The following DENND2A variants were observed in gnomAD, a reference collection of about 807,000 sequenced individuals.
DENND2A encodes DENN domain-containing protein 2A.
A neutral mutation model predicts 105.3 loss-of-function variants in DENND2A; 53 were observed. The observed-to-expected ratio is 0.50, with a 90% CI of 0.40 to 0.63. DENND2A has a LOEUF of 0.63. Among genes scored for constraint, DENND2A ranks in the 30% least tolerant of loss-of-function variants. The probability of loss-of-function intolerance (pLI) is 0.00; values close to 1 mark genes in which losing one functional copy is unlikely to be tolerated. For synonymous variants in DENND2A, 522 were observed against 508.4 expected, an observed-to-expected ratio of 1.03 and a Z score of -0.36; for missense variants, 1,138 against 1,279.6, an observed-to-expected ratio of 0.89 and a Z score of 1.69.
chr7:140,609,398 A>T (rs1367416308), intron 1 of DENND2A, among the ~76,000 whole-genome samples: 1 of 152,150 alleles, frequency 6.6e-6, no homozygotes, highest in Non-Finnish European at 1.5e-5. Flanking sequence ...TTATAATCCC[A>T]GCTACTCGGG....
chr7:140,582,032 T>C (rs1169109189), intron 5 of DENND2A, among the ~76,000 whole-genome samples: 2 of 151,884 alleles, frequency 1.3e-5, no homozygotes, highest in African/African-American at 4.8e-5. Context: ...TGGCATGATC[T>C]TGGCTTACTG....
intron 2 of DENND2A, among the ~76,000 whole-genome samples, chr7:140,605,032 G>C (rs1799640925): frequency 6.6e-6 from 1 of 152,210 alleles, no homozygotes; most frequent in Non-Finnish European, 1.5e-5. Flanking sequence ...TGGAAGCTCT[G>C]TCGGAAAACT....
chr7:140,529,168 AAATGGTCAGG>A (rs1308736877), intron 14 of DENND2A, among the ~76,000 whole-genome samples: 1 of 152,132 alleles, frequency 6.6e-6, no homozygotes, highest in Non-Finnish European at 1.5e-5. Context: ...TCTTCAAGAA[AAATGGTCAGG>A]CTGGGTGCGG....
chr7:140,557,600 C>T (rs1204987851), intron 11 of DENND2A, among the ~76,000 whole-genome samples: 3 of 114,206 alleles, frequency 2.6e-5, no homozygotes, highest in African/African-American at 9.6e-5. Context: ...AGTGCAGTGG[C>T]GCGATCTCGA....
At position 140,523,297 on chromosome 7, in the gene DENND2A, G is replaced by C; in HGVS notation, c.2665+10C>G. 1.9e-6 allele frequency: 3 copies of C among 1,613,688 alleles called. No individual in the cohort carries two copies. The highest frequency in any genetic ancestry group is 2.5e-6 in the Non-Finnish European group (3 of 1,179,598). On this transcript the variant is annotated intron_variant, in intron 17 of 19. Transcript: ENST00000496613. The surrounding 1 kb of genome is among the most constrained non-coding windows in gnomAD (Gnocchi z 4.5). ...GGGAGAGACCCACTGGGAGGTGGCTGAACACTTACCGTGCCTGCCGTCTAG... is the reference window on the plus strand; with the variant it reads ...GGGAGAGACCCACTGGGAGGTGGCTCAACACTTACCGTGCCTGCCGTCTAG...
intron 9 of DENND2A, among the ~76,000 whole-genome samples, chr7:140,562,819 T>C (rs1003815538): frequency 3.3e-5 from 5 of 152,220 alleles, no homozygotes; most frequent in African/African-American, 9.6e-5. Context: ...ATAGACTTAG[T>C]TGTCCTTTAG....
chr7:140,544,941 G>A, intron 13 of DENND2A, 175 bp from the exon 14 acceptor site: 1 of 901,978 alleles, frequency 1.1e-6, no homozygotes, highest in Non-Finnish European at 1.3e-6. Context: ...GATGCCAGAA[G>A]ACGGGGGGCG....
chr7:140,535,984 G>T (rs1312944189), intron 14 of DENND2A, among the ~76,000 whole-genome samples: 1 of 152,088 alleles, frequency 6.6e-6, no homozygotes. Flanking sequence ...AAGAACGAAG[G>T]GTGTCACAGG....
At chr7:140,541,428 T>TG (rs948701440) in intron 14 of DENND2A, among the ~76,000 whole-genome samples, 8 of 152,020 alleles carry the variant, frequency 5.3e-5, no homozygotes, top group African/African-American at 1.4e-4. Context: ...CCACCACTCC[T>TG]GGGGGGTGCT....
rs375317533 is a variant in DENND2A at position 140,538,212 on chromosome 7, G to A, written c.2327+6406C>T. On this transcript the variant is annotated intron_variant, in intron 14 of 19. Coordinates refer to ENST00000496613, the MANE Select transcript of DENND2A (RefSeq NM_015689.5). ...AGTGGGAGACTCACAGCGATGATGA[G>A]AGAATAAATTGTGTTTGTGGGGGAG... Among the ~76,000 whole-genome samples the A allele has an allele frequency of 7.9e-4, 121 of 152,320 alleles. 4 individuals are homozygous for A. The South Asian group carries it at 0.022, about 28-fold the overall frequency.
At chr7:140,563,417 C>T (rs767843656) in intron 9 of DENND2A, among the ~76,000 whole-genome samples, 2 of 152,124 alleles carry the variant, frequency 1.3e-5, no homozygotes, top group Non-Finnish European at 2.9e-5. Flanking sequence ...GGCTGGAAAA[C>T]AGCCCAGTCT....
At chr7:140,617,222 G>A (rs1800113588) in intron 1 of DENND2A, among the ~76,000 whole-genome samples, 1 of 152,208 alleles carries the variant, frequency 6.6e-6, no homozygotes, top group African/African-American at 2.4e-5. Flanking sequence ...TCTGACGCAG[G>A]TGCTACCAGC....
chr7:140,518,529 C>G lies in DENND2A; in HGVS notation c.*178G>C, dbSNP rs1178361287. The G allele has an allele frequency of 1.9e-6, 1 of 527,308 alleles. No homozygotes were observed. The highest frequency in any genetic ancestry group is 2.0e-5 in the African/African-American group (1 of 50,870). The allele number at this position is 527,308 out of a possible 1,614,324, so 32.7% of individuals were successfully genotyped here. A position where few individuals can be genotyped will look rare whatever the true frequency, so the allele number is the denominator to read the frequency against. On this transcript the variant is annotated 3_prime_UTR_variant, in exon 20 of 20. Coordinates refer to ENST00000496613, the MANE Select transcript of DENND2A (RefSeq NM_015689.5). ...TCTCGGGCTCCCTTTCTGGGGCTGT[C>G]CTCCCAGGCGGCTCCCAGGTCCTCA...
rs531576188 is a variant in DENND2A at position 140,601,392 on chromosome 7, C to T, written c.995+11G>A. The T allele has an allele frequency of 1.7e-5, 27 of 1,566,236 alleles. No individual in the cohort carries two copies. The Admixed American group carries it at 2.6e-4, about 15-fold the overall frequency. On this transcript the variant is annotated intron_variant, in intron 3 of 19. Transcript: ENST00000496613. ...GGTGGCGACACTCTGCCTGGCCACA[C>T]CGGCACCTACCTGTGGTCTGCACTG... is the stretch of plus-strand genomic sequence containing the variant.
At chr7:140,547,977 T>G (rs1796974110) in intron 12 of DENND2A, among the ~76,000 whole-genome samples, 1 of 152,018 alleles carries the variant, frequency 6.6e-6, no homozygotes, top group East Asian at 1.9e-4. Context: ...AGTTAGGGAG[T>G]GGCGGCTAAT....
intron 1 of DENND2A, among the ~76,000 whole-genome samples, chr7:140,607,254 A>G (rs1392506552): frequency 6.6e-6 from 1 of 152,222 alleles, no homozygotes; most frequent in East Asian, 1.9e-4. Context: ...ATCAAAGGGC[A>G]GAACTTCAAG....
At chr7:140,529,372 T>G (rs974924970) in intron 14 of DENND2A, among the ~76,000 whole-genome samples, 4 of 152,220 alleles carry the variant, frequency 2.6e-5, no homozygotes, top group African/African-American at 9.6e-5. Flanking sequence ...TCAACCATTG[T>G]GGAAGACAGT....
At position 140,531,763 on chromosome 7, in the gene DENND2A, C is replaced by T. The variant is rs575663626; in HGVS notation, c.2328-4268G>A. ...CCAGGAGACGGAGGTTGCAGTGAGC[C>T]GAGAATACGCCATTGCACCCCAGGC... On this transcript the variant is annotated intron_variant, in intron 14 of 19. Transcript: ENST00000496613. 2.1e-3 allele frequency among the ~76,000 whole-genome samples: 310 copies of T among 150,798 alleles called. 10 individuals are homozygous for T. Among genetic ancestry groups the T allele is most frequent in the African/African-American group, 7.1e-3 (288 of 40,752 alleles).
chr7:140,546,326 C>T (rs1263389438), intron 13 of DENND2A, among the ~76,000 whole-genome samples: 1 of 151,798 alleles, frequency 6.6e-6, no homozygotes, highest in East Asian at 1.9e-4. Flanking sequence ...GCTGAGGCAA[C>T]AGAATAGCTT....
Sources: allele counts gnomAD v4.1 joint callset (sites outside exome capture counted in the v4.1 genomes callset), GRCh38; gene constraint gnomAD v4.1.1; non-coding constraint Gnocchi (gnomAD v3.1); transcripts MANE v1.5; gene names NCBI Gene and HGNC (gene_info 2026-07-23, HGNC 2026-07-21).